POLR2C: variants seen among roughly 807,000 people sequenced by gnomAD.
The protein encoded by POLR2C is RNA polymerase II subunit C.
Under a neutral mutation model 41.7 loss-of-function variants are expected in POLR2C, and 36 were observed. The ratio of observed to expected loss-of-function variants is 0.86; its 90% CI spans 0.66 to 1.14. The LOEUF is 1.14. Among genes scored for constraint, POLR2C ranks in the 50% most tolerant of loss-of-function variants. POLR2C has a pLI of 0.00. For synonymous variants in POLR2C, 133 were observed against 137.8 expected (o/e 0.96, Z 0.25); for missense variants, 260 against 350.4 (o/e 0.74, Z 2.06).
Position 57,471,210 on chromosome 16 carries a change from C to T in POLR2C, c.*91C>T, listed in dbSNP as rs1326886979. 5.3e-6 allele frequency: 6 copies of T among 1,134,024 alleles called. No individual in the cohort carries two copies. In the African/African-American group the frequency reaches 9.1e-5, roughly 17 times the overall value. 70.2% of individuals were successfully genotyped at this position (1,134,024 alleles called of 1,614,324 possible). ...TCAGACTCTTCTCGTTTCTGAGAAT[C>T]TAGTCTACTGTTGGTTGAGCTTCTT... On this transcript the variant is annotated 3_prime_UTR_variant, in exon 9 of 9. Transcript: ENST00000219252.
chr16:57,463,219 C>G (rs1402831647), intron 2 of POLR2C, 141 bp downstream of exon 2: 1 of 757,636 alleles, frequency 1.3e-6, no homozygotes, highest in African/African-American at 1.7e-5. Flanking sequence ...GGAGACTTGA[C>G]CATACCCTGT....
At position 57,469,261 on chromosome 16, in the gene POLR2C, G is replaced by A; in HGVS notation, c.355G>A (p.Asp119Asn). Residue 119 changes from aspartate to asparagine, a missense_variant, in exon 5 of 9, where the codon GAC becomes AAC. By Grantham distance (23) the Asp-to-Asn change is conservative (BLOSUM62 1). Transcript: ENST00000219252. This position sits in a 1 kb window ranked among gnomAD's most constrained non-coding sequence, Gnocchi z 5.8. The stretch of plus-strand genomic sequence containing the variant: ...CCAGACGCGACATGTCACGTCTCGA[G>A]ACCTCATCTCCAACAGCCCCCGGGT... ...EDQTRHVTSR[D>N]LISNSPRVIP... is the part of the protein sequence containing the mutation. The A allele has an allele frequency of 1.2e-6, 2 of 1,614,192 alleles. No homozygotes were observed. The highest frequency in any genetic ancestry group is 1.7e-6 in the Non-Finnish European group (2 of 1,180,016).
intron 4 of POLR2C, 124 bp downstream of exon 4, chr16:57,466,351 ATGT>A: frequency 1.4e-6 from 1 of 710,540 alleles, no homozygotes; most frequent in Non-Finnish European, 2.5e-6. Context: ...CAACGTGGAG[ATGT>A]TGTCTAGAGC....
In POLR2C at chr16:57,469,293, G is replaced by A. The variant is rs141472105; in HGVS notation, c.387G>A (p.Pro129=). Residue 129 remains proline (P), a splice_region_variant and synonymous_variant, in exon 5 of 9, where the codon CCG becomes CCA. Coordinates refer to ENST00000219252, the MANE Select transcript of POLR2C (RefSeq NM_032940.3). The surrounding 1 kb of genome is among the most constrained non-coding windows in gnomAD (Gnocchi z 5.8). ...DLISNSPRVI[P]VTSRNRDNDP... The stretch of plus-strand genomic sequence containing the variant: ...TCTCCAACAGCCCCCGGGTCATTCC[G>A]GTCAGTGCGGGAGAGCATCCTCTTT... 520 of 1,614,110 alleles carry A rather than the reference G, an allele frequency of 3.2e-4. 2 individuals are homozygous for A. The highest frequency in any genetic ancestry group is 1.9e-3 in the African/African-American group (144 of 75,048).
At chr16:57,470,518 G>A in intron 8 of POLR2C, 164 bp downstream of exon 8, 3 of 595,860 alleles carry the variant, frequency 5.0e-6, no homozygotes, top group Non-Finnish European at 8.9e-6. Flanking sequence ...CATCCCAGGG[G>A]CAGGTCGTCA....
chr16:57,463,974 C>T (rs924934878), intron 2 of POLR2C: 28 of 166,300 alleles, frequency 1.7e-4, no homozygotes, highest in Non-Finnish European at 3.2e-4. Flanking sequence ...ATAGTGGCTT[C>T]CAGCCACGTC....
chr16:57,470,783 T>C (rs141008933), intron 8 of POLR2C, among the ~76,000 whole-genome samples, 192 bp from the exon 9 acceptor site: 18 of 152,300 alleles, frequency 1.2e-4, no homozygotes, highest in East Asian at 1.9e-4. Context: ...TGTAGCCTCC[T>C]TGAGGTTGTG....
rs576075307 is a variant in POLR2C at position 57,469,827 on chromosome 16, G to T, written c.439+66G>T. The T allele has an allele frequency of 2.1e-4, 330 of 1,567,242 alleles. No homozygotes were observed. In the Middle Eastern group the frequency reaches 4.8e-3, roughly 23 times the overall value. On this transcript the variant is annotated intron_variant, in intron 6 of 8. Transcript: ENST00000219252. This position sits in a 1 kb window ranked among gnomAD's most constrained non-coding sequence, Gnocchi z 5.8. ...GGAGGGACCAGACACAGCCTCTCGT[G>T]CTGCCTGGTCTCCTCGAAAATTGGC...
chr16:57,465,806 G>A, intron 2 of POLR2C, 147 bp from the exon 3 acceptor site: 1 of 642,652 alleles, frequency 1.6e-6, no homozygotes, highest in Non-Finnish European at 2.8e-6. Context: ...TAAAATGCAA[G>A]TACCTGGGCC....
chr16:57,470,917 C>T lies in POLR2C; in HGVS notation c.684-58C>T, dbSNP rs1354695105. ...GGAAGGAGGAAGGGTTGTCCATGGC[C>T]AGAGCTCGGGTCGGCCAGCCTGCCT... On this transcript the variant is annotated intron_variant, in intron 8 of 8. Transcript: ENST00000219252. 7.6e-6 allele frequency: 12 copies of T among 1,577,258 alleles called. No homozygotes were observed. The African/African-American group carries it at 1.5e-4, about 19-fold the overall frequency.
Position 57,470,041 on chromosome 16 carries a change from G to A in POLR2C, c.520G>A (p.Ala174Thr). The A allele has an allele frequency of 3.7e-6, 6 of 1,614,224 alleles. No individual in the cohort carries two copies. The highest frequency in any genetic ancestry group is 4.2e-6 in the Non-Finnish European group (5 of 1,180,032). Reference protein sequence around the residue: ...YAKKGFGKEHAKWNPTAGVAF... With the variant: ...YAKKGFGKEHTKWNPTAGVAF... ...CAAAAAGGGCTTTGGCAAGGAGCAT[G>A]CCAAGTGGAACCCTACTGCAGGGGT... Residue 174 changes from alanine to threonine, a missense_variant, in exon 7 of 9, where the codon GCC (alanine) becomes ACC (threonine). By Grantham distance (58) the Ala-to-Thr change is moderately conservative. Transcript: ENST00000219252.
In POLR2C at chr16:57,469,608, C is replaced by G. The variant is rs555910564; in HGVS notation, c.388-102C>G. 2.0e-6 allele frequency: 2 copies of G among 1,019,688 alleles called. No individual in the cohort carries two copies. The highest frequency in any genetic ancestry group is 3.1e-6 in the Non-Finnish European group (2 of 646,026). The allele number at this position is 1,019,688 out of a possible 1,614,324, so 63.2% of individuals were successfully genotyped here. On this transcript the variant is annotated intron_variant, in intron 5 of 8. Transcript: ENST00000219252. This position sits in a 1 kb window ranked among gnomAD's most constrained non-coding sequence, Gnocchi z 5.8. ...GCCACCACCTCGTCAGGTGTTCGTT[C>G]CCTGGTTGACAGATTGCAGTCTAGA...
chr16:57,463,801 G>C (rs2030639378), intron 2 of POLR2C: 2 of 338,854 alleles, frequency 5.9e-6, no homozygotes, highest in African/African-American at 2.2e-5. Context: ...AAATTAGCCA[G>C]GTGTGGTGGC....
intron 8 of POLR2C, 26 bp downstream of exon 8, chr16:57,470,380 G>A: frequency 1.3e-6 from 2 of 1,546,180 alleles, no homozygotes; most frequent in Non-Finnish European, 1.8e-6. Flanking sequence ...GACATGGGAA[G>A]GTGAAGTGTG....
rs368537025 is a variant in POLR2C, at chr16:57,462,713, C to A, written c.-12C>A. ...GCGGAGCAGACGCGGAGGCTGGTGGCCCCTGGGCGAGATGCCGTACGCCAA... is the reference window on the plus strand; with the variant it reads ...GCGGAGCAGACGCGGAGGCTGGTGGACCCTGGGCGAGATGCCGTACGCCAA... On this transcript the variant is annotated 5_prime_UTR_variant, in exon 1 of 9. Transcript: ENST00000219252. 5.1e-6 allele frequency: 8 copies of A among 1,583,646 alleles called. No individual in the cohort carries two copies. Among genetic ancestry groups the A allele is most frequent in the East Asian group, 2.3e-5 (1 of 43,472 alleles).
intron 2 of POLR2C, 112 bp downstream of exon 2, chr16:57,463,190 C>G (rs1222762512): frequency 3.3e-6 from 3 of 902,422 alleles, no homozygotes; most frequent in African/African-American, 1.6e-5. Flanking sequence ...GGTGGTAGTG[C>G]TGAGAAAAGT....
intron 2 of POLR2C, among the ~76,000 whole-genome samples, chr16:57,465,420 T>C (rs2030682293): frequency 6.6e-6 from 1 of 152,240 alleles, no homozygotes; most frequent in Non-Finnish European, 1.5e-5. Flanking sequence ...AGCTCATTGC[T>C]GCTAGGGATT....
rs200724857 is a variant in POLR2C at position 57,469,719 on chromosome 16, C to T, written c.397C>T (p.Arg133Trp). The T allele has an allele frequency of 2.7e-5, 44 of 1,613,794 alleles. No homozygotes were observed. Among genetic ancestry groups the T allele is most frequent in the African/African-American group, 1.3e-5 (1 of 74,912 alleles). ...GGTGGACTCCCTACAGGTGACATCC[C>T]GGAACCGAGATAATGACCCCAATGA... ...NSPRVIPVTS[R>W]NRDNDPNDYV... The change falls in exon 6 of 9, where the codon CGG becomes TGG. Residue 133 changes from arginine (R) to tryptophan (W), a missense_variant. Physicochemically the swap from Arg to Trp is moderately radical, Grantham distance 101. Coordinates refer to ENST00000219252, the MANE Select transcript of POLR2C (RefSeq NM_032940.3). The surrounding 1 kb of genome is among the most constrained non-coding windows in gnomAD (Gnocchi z 5.8).
rs1218068812 is a variant in POLR2C, at chr16:57,463,864, C to G, written c.136+786C>G. The G allele has an allele frequency of 3.9e-5, 12 of 304,052 alleles. No homozygotes were observed. In the East Asian group the frequency reaches 1.1e-3, roughly 28 times the overall value. 18.8% of individuals were successfully genotyped at this position (304,052 alleles called of 1,614,324 possible). A position where few individuals can be genotyped will look rare whatever the true frequency, so the allele number is the denominator to read the frequency against. The stretch of plus-strand genomic sequence containing the variant: ...AGGCTGAGGCAGAATTGATTGAACC[C>G]AGAAGGTGGAGGTTGCAGTGAGCCG... On this transcript the variant is annotated intron_variant, in intron 2 of 8. Coordinates refer to ENST00000219252, the MANE Select transcript of POLR2C (RefSeq NM_032940.3).
Sources: allele counts gnomAD v4.1 joint callset (sites outside exome capture counted in the v4.1 genomes callset), GRCh38; gene constraint gnomAD v4.1.1; non-coding constraint Gnocchi (gnomAD v3.1); transcripts MANE v1.5; gene names NCBI Gene and HGNC (gene_info 2026-07-23, HGNC 2026-07-21).